MYO1C: variants seen among roughly 807,000 people sequenced by gnomAD.
The protein encoded by MYO1C is unconventional myosin-Ic.
MYO1C carries 104 observed loss-of-function variants against 150.8 expected under a neutral mutation model. The ratio of observed to expected loss-of-function variants is 0.69; its 90% CI spans 0.59 to 0.81. The LOEUF (loss-of-function observed/expected upper bound fraction) is 0.81. MYO1C is among the 30% of genes least tolerant of loss of function. The pLI, the probability that MYO1C is intolerant of heterozygous loss-of-function variation, is 0.00. For missense variants in MYO1C, 1,504 were observed against 1,435.0 expected (o/e 1.05, Z -0.78); for synonymous variants, 663 against 579.9 (o/e 1.14, Z -2.06).
chr17:1,480,492 C>T, intron 7 of MYO1C, 35 bp downstream of exon 7: 4 of 1,536,230 alleles, frequency 2.6e-6, no homozygotes, highest in Non-Finnish European at 3.6e-6. Context: ...GGGGGTGTGA[C>T]AGGAGGAAAG....
chr17:1,476,535 C>A (rs1224427145), intron 14 of MYO1C, among the ~76,000 whole-genome samples: 1 of 152,172 alleles, frequency 6.6e-6, no homozygotes, highest in East Asian at 1.9e-4. Context: ...CATTCAACAG[C>A]CCTGGCACTG....
Position 1,479,514 on chromosome 17 carries a change from A to G in MYO1C, c.1021-12T>C. 2 of 1,510,888 alleles carry G rather than the reference A, an allele frequency of 1.3e-6. No individual in the cohort carries two copies. Among genetic ancestry groups the G allele is most frequent in the Non-Finnish European group, 1.8e-6 (2 of 1,108,482 alleles). 93.6% of individuals were successfully genotyped at this position (1,510,888 alleles called of 1,614,324 possible). ...TCCACGCTGAGGAGCTGCCAAGGGC[A>G]GGCGAGGACACGGTGAGGGTGCACC... On this transcript the variant is annotated splice_polypyrimidine_tract_variant and intron_variant, in intron 8 of 31. Coordinates refer to ENST00000648651, the MANE Select transcript of MYO1C (RefSeq NM_001080779.2). The surrounding 1 kb of genome is among the most constrained non-coding windows in gnomAD (Gnocchi z 4.2).
rs1196431755 is a variant in MYO1C at position 1,471,972 on chromosome 17, C to T, written c.1956G>A (p.Leu652=). The change falls in exon 19 of 32, where the codon TTG becomes TTA. Residue 652 remains leucine (L), a synonymous_variant. Coordinates refer to ENST00000648651, the MANE Select transcript of MYO1C (RefSeq NM_001080779.2). ...IRHQVKYLGL[L]ENLRVRRAGF... Reference sequence around the variant, plus strand: ...CGGCTCTGCGCACGCGCAGGTTTTCCAACAGCCCCAGGTACTTCACCTGGT... The same window carrying T: ...CGGCTCTGCGCACGCGCAGGTTTTCTAACAGCCCCAGGTACTTCACCTGGT... 6.2e-7 allele frequency: 1 copy of T among 1,614,092 alleles called. No individual in the cohort carries two copies.
intron 3 of MYO1C, 54 bp from the exon 4 acceptor site, chr17:1,483,113 C>T (rs1057197233): frequency 1.7e-5 from 25 of 1,508,536 alleles, no homozygotes; most frequent in Admixed American, 5.9e-5. Flanking sequence ...CAGAGCCCCA[C>T]GAGAGTCCCG....
rs564519332 is a variant in MYO1C, at chr17:1,472,692, G to A, written c.1798-464C>T. 1.6e-3 allele frequency among the ~76,000 whole-genome samples: 245 copies of A among 152,262 alleles called. 2 individuals are homozygous for A. The highest frequency in any genetic ancestry group is 5.4e-3 in the African/African-American group (223 of 41,510). On this transcript the variant is annotated intron_variant, in intron 17 of 31. Coordinates refer to ENST00000648651, the MANE Select transcript of MYO1C (RefSeq NM_001080779.2). ...GGTGTTCCGAGAGTAGCAGGTGTATGCCTGTGGGTTCTGAGAGCCCCACAA... is the reference window on the plus strand; with the variant it reads ...GGTGTTCCGAGAGTAGCAGGTGTATACCTGTGGGTTCTGAGAGCCCCACAA...
chr17:1,471,209 C>G lies in MYO1C; in HGVS notation c.2135+14G>C, dbSNP rs2302456. ...TCCCATTCCCCGCAGGCACCCGGCA[C>G]GGACACTACCCACCTGCCCATCTTG... On this transcript the variant is annotated intron_variant, in intron 20 of 31. Transcript: ENST00000648651. The G allele has an allele frequency of 1.9e-6, 3 of 1,613,628 alleles. No homozygotes were observed. In the Admixed American group the frequency reaches 5.0e-5, roughly 27 times the overall value.
At position 1,479,544 on chromosome 17, in the gene MYO1C, G is replaced by GCCCCCCCCCCCCCCCGCCC; in HGVS notation, c.1021-43_1021-42insGGGCGGGGGGGGGGGGGGG. 2 of 1,175,170 alleles carry GCCCCCCCCCCCCCCCGCCC rather than the reference G, an allele frequency of 1.7e-6. No individual in the cohort carries two copies. Among genetic ancestry groups the GCCCCCCCCCCCCCCCGCCC allele is most frequent in the Non-Finnish European group, 2.5e-6 (2 of 804,194 alleles). The allele number at this position is 1,175,170 out of a possible 1,614,324, so 72.8% of individuals were successfully genotyped here. ...AGGACACGGTGAGGGTGCACCCCCA[G>GCCCCCCCCCCCCCCCGCCC]CCCCCGCCCCCGCCGTCCTCCCGTC... On this transcript the variant is annotated intron_variant, in intron 8 of 31. Transcript: ENST00000648651. The surrounding 1 kb of genome is among the most constrained non-coding windows in gnomAD (Gnocchi z 4.2).
chr17:1,485,420 G>A, intron 1 of MYO1C: 3 of 950,880 alleles, frequency 3.2e-6, no homozygotes, highest in Non-Finnish European at 3.9e-6. Flanking sequence ...GCGCCGAAGC[G>A]GCTGCCAAAT....
intron 13 of MYO1C, 34 bp from the exon 14 acceptor site, chr17:1,477,630 G>A (rs764485038): frequency 6.5e-7 from 1 of 1,535,846 alleles, no homozygotes; most frequent in East Asian, 2.2e-5. Flanking sequence ...AGGACGTATG[G>A]GGGACAGGTC....
Position 1,485,005 on chromosome 17 carries a change from C to G in MYO1C, c.76-702G>C, listed in dbSNP as rs376928797. On this transcript the variant is annotated intron_variant, in intron 1 of 31. Transcript: ENST00000648651. ...CTGGGCTCAGCCACCCACTCCAGAA[C>G]GCGGGGGAGGCCCTCCCTCGCATGG... The G allele has an allele frequency of 3.3e-5, 28 of 838,954 alleles. No individual in the cohort carries two copies. The Admixed American group carries it at 4.9e-4, about 15-fold the overall frequency. The allele number at this position is 838,954 out of a possible 1,614,324, so 52.0% of individuals were successfully genotyped here. A position where few individuals can be genotyped will look rare whatever the true frequency, so the allele number is the denominator to read the frequency against.
chr17:1,470,392 C>A lies in MYO1C; in HGVS notation c.2366+43G>T, dbSNP rs933828671. 2.6e-6 allele frequency: 4 copies of A among 1,547,730 alleles called. No homozygotes were observed. The South Asian group carries it at 3.6e-5, about 14-fold the overall frequency. ...AGGGGCCTGGCGGTGAACCACCCCC[C>A]ACGCCCTGCTCTGCAGCCCCCACAA... On this transcript the variant is annotated intron_variant, in intron 23 of 31. Transcript: ENST00000648651.
chr17:1,470,399 T>C lies in MYO1C; in HGVS notation c.2366+36A>G, dbSNP rs564948039. 4.5e-3 allele frequency: 6,920 copies of C among 1,549,010 alleles called. 56 individuals are homozygous for C. The highest frequency in any genetic ancestry group is 0.023 in the South Asian group (1,891 of 84,040). On this transcript the variant is annotated intron_variant, in intron 23 of 31. Transcript: ENST00000648651. ...TGGCGGTGAACCACCCCCCACGCCCTGCTCTGCAGCCCCCACAAGGCACCC... is the reference window on the plus strand; with the variant it reads ...TGGCGGTGAACCACCCCCCACGCCCCGCTCTGCAGCCCCCACAAGGCACCC...
intron 25 of MYO1C, chr17:1,469,126 T>C (rs1598321649): frequency 6.1e-6 from 2 of 329,352 alleles, no homozygotes; most frequent in East Asian, 7.9e-5. Context: ...CTAGGGTAAA[T>C]AGAGCAGACC....
intron 1 of MYO1C, chr17:1,484,723 C>T (rs2074615225): frequency 4.9e-5 from 18 of 370,156 alleles, no homozygotes; most frequent in South Asian, 3.3e-4. Flanking sequence ...GGACCAATCC[C>T]CTCCTCTCTC....
rs1365102036 is a variant in MYO1C at position 1,465,013 on chromosome 17, T to C, written c.*713A>G. 3 of 152,160 alleles carry C rather than the reference T, an allele frequency of 2.0e-5. No homozygotes were observed. The highest frequency in any genetic ancestry group is 2.9e-5 in the Non-Finnish European group (2 of 68,040). 9.4% of individuals were successfully genotyped at this position (152,160 alleles called of 1,614,324 possible). A position where few individuals can be genotyped will look rare whatever the true frequency, so the allele number is the denominator to read the frequency against. ...TTTTACTAGAGGCGGAGTTTCTCCA[T>C]GTAGGTCAGGTTGGTCTCGAAATCC... On this transcript the variant is annotated 3_prime_UTR_variant, in exon 32 of 32. Coordinates refer to ENST00000648651, the MANE Select transcript of MYO1C (RefSeq NM_001080779.2).
intron 5 of MYO1C, chr17:1,481,102 C>T: frequency 1.7e-6 from 1 of 584,714 alleles, no homozygotes; most frequent in Non-Finnish European, 3.1e-6. Flanking sequence ...CTGGCTGCTC[C>T]ACCTGGATGC....
intron 19 of MYO1C, among the ~76,000 whole-genome samples, chr17:1,471,583 A>C (rs1346991588): frequency 1.3e-5 from 2 of 152,198 alleles, no homozygotes; most frequent in Non-Finnish European, 2.9e-5. Context: ...CAGAAGAACC[A>C]CAAAGCTGCT....
Position 1,478,561 on chromosome 17 carries a change from G to T in MYO1C, c.1212+55C>A. The T allele has an allele frequency of 6.2e-7, 1 of 1,613,746 alleles. No homozygotes were observed. The highest frequency in any genetic ancestry group is 1.1e-5 in the South Asian group (1 of 91,062). ...CCAGCCCCACCCTGCAGCACCCCCC[G>T]CCTCGCCGACGGCCCTCCCTTCTGC... On this transcript the variant is annotated intron_variant, in intron 10 of 31. Coordinates refer to ENST00000648651, the MANE Select transcript of MYO1C (RefSeq NM_001080779.2). The surrounding 1 kb of genome is among the most constrained non-coding windows in gnomAD (Gnocchi z 6.3).
chr17:1,474,995 CCA>C lies in MYO1C; in HGVS notation c.1610_1611del (p.Leu537ArgfsTer27). ...KLADQRTRKS[L>X]GRGEFRLLHY... is the part of the protein sequence containing the mutation. ...TGCAGAAGGCGGAATTCCCCTCGGC[CCA>C]GAGATTTCCTGGTCCGCTGGTCAGC... On this transcript the variant is annotated frameshift_variant, in exon 15 of 32. Coordinates refer to ENST00000648651, the MANE Select transcript of MYO1C (RefSeq NM_001080779.2). LOFTEE classifies it high-confidence loss of function. 1.3e-6 allele frequency: 2 copies of C among 1,555,538 alleles called. No individual in the cohort carries two copies. The highest frequency in any genetic ancestry group is 8.7e-7 in the Non-Finnish European group (1 of 1,149,078).
Sources: gnomAD v4.1 joint callset for allele counts (sites outside exome capture counted in the v4.1 genomes callset) on GRCh38, gnomAD v4.1.1 for gene constraint, Gnocchi (gnomAD v3.1) non-coding constraint, MANE v1.5 for transcripts, NCBI Gene and HGNC (gene_info 2026-07-23, HGNC 2026-07-21) for gene names.